The following DIO2 variants were observed in gnomAD, a reference collection of about 807,000 sequenced individuals.
The protein encoded by DIO2 is iodothyronine deiodinase 2.
DIO2 carries 19 observed loss-of-function variants against 21.4 expected under a neutral mutation model. The observed-to-expected ratio is 0.89, with a 90% CI of 0.62 to 1.30. The LOEUF (loss-of-function observed/expected upper bound fraction) is 1.30. DIO2 is among the 50% of genes most tolerant of loss of function. The pLI is 0.00. For missense variants in DIO2, 302 were observed against 338.1 expected, an observed-to-expected ratio of 0.89 and a Z score of 0.84; for synonymous variants, 122 against 132.9, an observed-to-expected ratio of 0.92 and a Z score of 0.57.
intron 2 of DIO2, among the ~76,000 whole-genome samples, chr14:80,223,787 G>A (rs996728022): frequency 6.6e-6 from 1 of 152,150 alleles, no homozygotes; most frequent in African/African-American, 2.4e-5. Flanking sequence ...CTCAATTTGG[G>A]AGTTGGCTTA....
At chr14:80,223,345 C>A (rs187998637) in intron 2 of DIO2, among the ~76,000 whole-genome samples, 1 of 152,104 alleles carries the variant, frequency 6.6e-6, no homozygotes, top group South Asian at 2.1e-4. Context: ...CACAATAGTG[C>A]GTTCTTTAAA....
upstream of DIO2, among the ~76,000 whole-genome samples, chr14:80,215,652 A>G (rs1040618519): frequency 9.2e-5 from 14 of 152,008 alleles, no homozygotes; most frequent in African/African-American, 3.2e-4. Context: ...AAACATGTCA[A>G]ATAAACACAT....
At position 80,210,419 on chromosome 14, in the gene DIO2, C is replaced by G. The variant is rs115261103; in HGVS notation, c.222+832G>C. Among the ~76,000 whole-genome samples the G allele has an allele frequency of 3.8e-3, 586 of 152,318 alleles. 5 individuals carry two copies. The highest frequency in any genetic ancestry group is 0.014 in the African/African-American group (562 of 41,576). On this transcript the variant is annotated intron_variant, in intron 1 of 1. Coordinates refer to ENST00000438257, the MANE Select transcript of DIO2 (RefSeq NM_013989.5). ...ATTTTGAGAGAGCAGCCCCTGGGCA[C>G]TACCTGAGCAGGTAAGGGAGACCAC...
At chr14:80,222,824 G>A (rs1391720564) in intron 2 of DIO2, among the ~76,000 whole-genome samples, 1 of 150,606 alleles carries the variant, frequency 6.6e-6, no homozygotes, top group African/African-American at 2.4e-5. Flanking sequence ...TTGGTGAAAT[G>A]TACAGAGGAA....
chr14:80,227,175 C>T (rs1261619620), intron 2 of DIO2, among the ~76,000 whole-genome samples: 1 of 152,174 alleles, frequency 6.6e-6, no homozygotes, highest in African/African-American at 2.4e-5. Context: ...GCCTGCATAT[C>T]ATGCACAACC....
At position 80,202,218 on chromosome 14, in the gene DIO2, G is replaced by A; in HGVS notation, c.*471C>T. 1 of 482,938 alleles carries A rather than the reference G, an allele frequency of 2.1e-6. No individual in the cohort carries two copies. Among genetic ancestry groups the A allele is most frequent in the Admixed American group, 2.1e-5 (1 of 46,802 alleles). 29.9% of individuals were successfully genotyped at this position (482,938 alleles called of 1,614,324 possible). On this transcript the variant is annotated 3_prime_UTR_variant, in exon 2 of 2. Coordinates refer to ENST00000438257, the MANE Select transcript of DIO2 (RefSeq NM_013989.5). ...CCTTAACACCAACGTCTAACCACATGGCCTGGGTTCAAGGACTTGTTGTAA... is the reference window on the plus strand; with the variant it reads ...CCTTAACACCAACGTCTAACCACATAGCCTGGGTTCAAGGACTTGTTGTAA...
rs1041750398 is a variant in DIO2 at position 80,228,791 on chromosome 14, C to T, written c.-277-12054G>A. Among the ~76,000 whole-genome samples, 7 of 152,088 alleles carry T rather than the reference C, an allele frequency of 4.6e-5. No homozygotes were observed. The East Asian group carries it at 9.6e-4, about 21-fold the overall frequency. ...TATACGTTGGACCTGAGATAAAACT[C>T]GATTAATTATCTGACCTCTATAAGT... On this transcript the variant is annotated intron_variant, in intron 2 of 4. Coordinates refer to the DIO2 transcript ENST00000553594.
At position 80,202,281 on chromosome 14, in the gene DIO2, A is replaced by G. The variant is rs556559774; in HGVS notation, c.*408T>C. On this transcript the variant is annotated 3_prime_UTR_variant, in exon 2 of 2. Transcript: ENST00000438257. ...TTCCAACTGGGCTCCATCCATGCCAAATAGAGCCAAGGCAATACCCTTTAT... is the reference window on the plus strand; with the variant it reads ...TTCCAACTGGGCTCCATCCATGCCAGATAGAGCCAAGGCAATACCCTTTAT... The G allele has an allele frequency of 1.2e-5, 6 of 520,396 alleles. No individual in the cohort carries two copies. Among genetic ancestry groups the G allele is most frequent in the African/African-American group, 9.6e-5 (5 of 52,122 alleles). 32.2% of individuals were successfully genotyped at this position (520,396 alleles called of 1,614,324 possible). A position where few individuals can be genotyped will look rare whatever the true frequency, so the allele number is the denominator to read the frequency against.
rs1888176063 is a variant in DIO2 at position 80,211,242 on chromosome 14, T to G, written c.222+9A>C. 6.2e-7 allele frequency: 1 copy of G among 1,605,558 alleles called. No homozygotes were observed. The highest frequency in any genetic ancestry group is 8.5e-7 in the Non-Finnish European group (1 of 1,178,104). ...GACCTAGGGAGAAGCCCTTCTCAGCTCAGCTCACCTGTTTGTAGGCATCGA... is the reference window on the plus strand; with the variant it reads ...GACCTAGGGAGAAGCCCTTCTCAGCGCAGCTCACCTGTTTGTAGGCATCGA... On this transcript the variant is annotated intron_variant, in intron 1 of 1. Transcript: ENST00000438257.
chr14:80,203,451 G>A (rs994201887), intron 1 of DIO2, among the ~76,000 whole-genome samples, 163 bp from the exon 2 acceptor site: 9 of 152,148 alleles, frequency 5.9e-5, no homozygotes, highest in Non-Finnish European at 1.2e-4. Context: ...GAGTAAAGAG[G>A]CATGATGGCA....
At chr14:80,228,882 C>A (rs1165780065) in intron 2 of DIO2, among the ~76,000 whole-genome samples, 1 of 152,114 alleles carries the variant, frequency 6.6e-6, no homozygotes, top group Non-Finnish European at 1.5e-5. Flanking sequence ...AGCTCAGAGC[C>A]AGTGTCAAGT....
At chr14:80,210,505 AG>A (rs1888135756) in intron 1 of DIO2, among the ~76,000 whole-genome samples, 2 of 152,282 alleles carry the variant, frequency 1.3e-5, no homozygotes, top group South Asian at 4.1e-4. Context: ...ATCTCTTTCT[AG>A]GGCAACGTAT....
chr14:80,215,054 T>C (rs994037581), upstream of DIO2, among the ~76,000 whole-genome samples: 1 of 152,200 alleles, frequency 6.6e-6, no homozygotes, highest in African/African-American at 2.4e-5. Context: ...TCAGGCTCCT[T>C]GTTTAGATTT....
intron 2 of DIO2, among the ~76,000 whole-genome samples, chr14:80,220,331 T>C (rs986062684): frequency 6.6e-6 from 1 of 152,204 alleles, no homozygotes; most frequent in African/African-American, 2.4e-5. Context: ...TTAGTGCATA[T>C]AAGCTCAATG....
Position 80,203,594 on chromosome 14 carries a change from T to C in DIO2, c.223-306A>G, listed in dbSNP as rs571770229. Among the ~76,000 whole-genome samples the C allele has an allele frequency of 1.8e-4, 27 of 152,352 alleles. No homozygotes were observed. In the South Asian group the frequency reaches 5.4e-3, roughly 30 times the overall value. Reference sequence around the variant, plus strand: ...AAATTAAGCCAAGGCTGTTATTCTTTACTATCCTTATTTTGCTGTCAATTC... The same window carrying C: ...AAATTAAGCCAAGGCTGTTATTCTTCACTATCCTTATTTTGCTGTCAATTC... On this transcript the variant is annotated intron_variant, in intron 1 of 1. Coordinates refer to ENST00000438257, the MANE Select transcript of DIO2 (RefSeq NM_013989.5).
In DIO2 at chr14:80,202,309, T is replaced by C. The variant is rs746354453; in HGVS notation, c.*380A>G. On this transcript the variant is annotated 3_prime_UTR_variant, in exon 2 of 2. Transcript: ENST00000438257. ...AGAGCCAAGGCAATACCCTTTATCT[T>C]AACGTAGACAGTAGCTTCCCTAATG... is the stretch of plus-strand genomic sequence containing the variant. 10 of 527,878 alleles carry C rather than the reference T, an allele frequency of 1.9e-5. No homozygotes were observed. Among genetic ancestry groups the C allele is most frequent in the Middle Eastern group, 3.1e-4 (1 of 3,220 alleles). The allele number at this position is 527,878 out of a possible 1,614,324, so 32.7% of individuals were successfully genotyped here.
At chr14:80,220,465 T>G (rs572005675) in intron 2 of DIO2, among the ~76,000 whole-genome samples, 1 of 152,280 alleles carries the variant, frequency 6.6e-6, no homozygotes, top group South Asian at 2.1e-4. Context: ...ATTTTAGTTC[T>G]CCACAGCCAC....
chr14:80,227,676 A>G (rs1888603431), intron 2 of DIO2, among the ~76,000 whole-genome samples: 1 of 152,332 alleles, frequency 6.6e-6, no homozygotes, highest in African/African-American at 2.4e-5. Context: ...TAACACCTCA[A>G]GCATGATTGG....
intron 2 of DIO2, among the ~76,000 whole-genome samples, chr14:80,222,839 G>T (rs1019448857): frequency 4.6e-5 from 7 of 151,238 alleles, no homozygotes; most frequent in Admixed American, 1.3e-4. Flanking sequence ...GAGGAAAAAT[G>T]GAAGTATTAT....
Sources: gnomAD v4.1 joint callset for allele counts (sites outside exome capture counted in the v4.1 genomes callset) on GRCh38, gnomAD v4.1.1 for gene constraint, MANE v1.5 for transcripts, NCBI Gene and HGNC (gene_info 2026-07-23, HGNC 2026-07-21) for gene names.